The following EYA2 variants were observed in gnomAD, a reference collection of about 807,000 sequenced individuals.
The protein encoded by EYA2 is protein phosphatase EYA2.
Under a neutral mutation model 69.2 loss-of-function variants are expected in EYA2, and 31 were observed. The observed-to-expected ratio is 0.45, with a 90% CI of 0.34 to 0.60. EYA2 has a LOEUF of 0.60. Among genes scored for constraint, EYA2 ranks in the 20% least tolerant of loss-of-function variants. The pLI, the probability that EYA2 is intolerant of heterozygous loss-of-function variation, is 0.02. For missense variants in EYA2, 622 were observed against 701.2 expected (o/e 0.89, Z 1.28); for synonymous variants, 257 against 279.4 (o/e 0.92, Z 0.80).
At chr20:47,090,750 C>T (rs367627142) in intron 8 of EYA2, among the ~76,000 whole-genome samples, 108 of 152,264 alleles carry the variant, frequency 7.1e-4, no homozygotes, top group African/African-American at 2.4e-3. Context: ...TCTTGTGTTG[C>T]ACATTAGATC....
chr20:46,905,136 A>G (rs1685813134), intron 1 of EYA2, among the ~76,000 whole-genome samples: 1 of 152,216 alleles, frequency 6.6e-6, no homozygotes, highest in Non-Finnish European at 1.5e-5. Flanking sequence ...AGACATAAAA[A>G]TGGCTCACAG....
chr20:47,115,167 C>T (rs922039993), intron 9 of EYA2, among the ~76,000 whole-genome samples: 4 of 152,166 alleles, frequency 2.6e-5, no homozygotes, highest in Non-Finnish European at 4.4e-5. Flanking sequence ...CCCAACTGCC[C>T]ACCACCTTAC....
intron 10 of EYA2, among the ~76,000 whole-genome samples, chr20:47,154,282 C>T (rs1202910904): frequency 1.3e-5 from 2 of 151,990 alleles, no homozygotes; most frequent in Admixed American, 1.3e-4. Context: ...GACACCAATC[C>T]CATTGGGTTA....
intron 1 of EYA2, among the ~76,000 whole-genome samples, chr20:46,919,531 C>G (rs1234297821): frequency 6.6e-6 from 1 of 152,246 alleles, no homozygotes; most frequent in East Asian, 1.9e-4. Flanking sequence ...TCTGCAGCTT[C>G]CTCATTTCTC....
At chr20:46,917,699 A>T (rs1984976021) in intron 1 of EYA2, among the ~76,000 whole-genome samples, 1 of 152,212 alleles carries the variant, frequency 6.6e-6, no homozygotes, top group African/African-American at 2.4e-5. Context: ...ATAGGCCACT[A>T]AGTGTGCAAT....
chr20:47,074,363 C>T, intron 7 of EYA2, 28 bp downstream of exon 7: 4 of 1,609,754 alleles, frequency 2.5e-6, no homozygotes, highest in Non-Finnish European at 3.4e-6. Context: ...TGGGGCCATT[C>T]ATGGCTGTGG....
At chr20:47,077,846 A>G (rs917319691) in intron 7 of EYA2, among the ~76,000 whole-genome samples, 5 of 152,212 alleles carry the variant, frequency 3.3e-5, no homozygotes, top group African/African-American at 1.2e-4. Context: ...ATCTTGAATT[A>G]TCTTTAGCCA....
Position 47,180,921 on chromosome 20 carries a change from A to G in EYA2, c.1420A>G (p.Ser474Gly), listed in dbSNP as rs1452566273. Reference protein sequence around the residue: ...GSVFPIENIYSATKTGKESCF... With the variant: ...GSVFPIENIYGATKTGKESCF... ...TGTGTTTCCTATTGAGAACATCTAC[A>G]GTGCAACCAAGACAGGTAGGGAGAA... is the stretch of plus-strand genomic sequence containing the variant. Residue 474 changes from serine to glycine, a missense_variant, in exon 14 of 16, where the codon AGT becomes GGT. Transcript: ENST00000327619. 6.2e-7 allele frequency: 1 copy of G among 1,614,150 alleles called. No individual in the cohort carries two copies. The highest frequency in any genetic ancestry group is 8.5e-7 in the Non-Finnish European group (1 of 1,180,004).
chr20:46,993,685 A>G (rs897094951), intron 2 of EYA2, among the ~76,000 whole-genome samples: 1 of 152,370 alleles, frequency 6.6e-6, no homozygotes, highest in South Asian at 2.1e-4. Flanking sequence ...CAATGACGAT[A>G]AAGAAGCAAA....
At chr20:46,908,965 G>A in intron 1 of EYA2, among the ~76,000 whole-genome samples, 2 of 132,512 alleles carry the variant, frequency 1.5e-5, no homozygotes, top group Non-Finnish European at 3.1e-5. Context: ...CCAGGAAAAA[G>A]TAGGACTTGA....
At chr20:47,177,623 G>A (rs572300070) in intron 12 of EYA2, among the ~76,000 whole-genome samples, 6 of 152,360 alleles carry the variant, frequency 3.9e-5, no homozygotes, top group African/African-American at 1.4e-4. Context: ...ACGTGGTCCA[G>A]GACAGGATGA....
At chr20:47,147,582 A>G (rs2033728554) in intron 10 of EYA2, among the ~76,000 whole-genome samples, 1 of 152,192 alleles carries the variant, frequency 6.6e-6, no homozygotes, top group Non-Finnish European at 1.5e-5. Context: ...GGCTTTGGGT[A>G]ACAGCCAAGG....
At chr20:46,942,036 C>T (rs1270849638) in intron 1 of EYA2, among the ~76,000 whole-genome samples, 3 of 152,138 alleles carry the variant, frequency 2.0e-5, no homozygotes, top group African/African-American at 7.2e-5. Context: ...AGGTCACACA[C>T]GTGAGCCCCT....
intron 10 of EYA2, among the ~76,000 whole-genome samples, chr20:47,143,530 C>T (rs1382742234): frequency 6.6e-6 from 1 of 152,110 alleles, no homozygotes; most frequent in Non-Finnish European, 1.5e-5. Context: ...TAATAATTAG[C>T]AGTGGCCCAG....
intron 9 of EYA2, among the ~76,000 whole-genome samples, chr20:47,133,359 T>TG (rs1408817500): frequency 6.6e-6 from 1 of 152,220 alleles, no homozygotes; most frequent in African/African-American, 2.4e-5. Context: ...TAGCCAGGGA[T>TG]GGGTTATGAG....
At chr20:46,984,591 TAGC>T (rs1981063226) in intron 1 of EYA2, among the ~76,000 whole-genome samples, 1 of 152,168 alleles carries the variant, frequency 6.6e-6, no homozygotes, top group African/African-American at 2.4e-5. Context: ...TGCCAAGTGT[TAGC>T]AGGAAATTGT....
chr20:47,088,915 G>A (rs1488221619), intron 7 of EYA2, among the ~76,000 whole-genome samples: 2 of 152,166 alleles, frequency 1.3e-5, no homozygotes, highest in African/African-American at 2.4e-5. Flanking sequence ...TCCCTCCCGG[G>A]CTTGGTGTAT....
chr20:47,019,432 C>T (rs189171814), intron 5 of EYA2, among the ~76,000 whole-genome samples: 5 of 152,202 alleles, frequency 3.3e-5, no homozygotes, highest in Admixed American at 1.3e-4. Flanking sequence ...CAAACACAAA[C>T]ACACAGAACG....
intron 9 of EYA2, among the ~76,000 whole-genome samples, chr20:47,124,885 A>G (rs2146565361): frequency 6.6e-6 from 1 of 151,918 alleles, no homozygotes; most frequent in Non-Finnish European, 1.5e-5. Flanking sequence ...TAAAAAAAAA[A>G]AAATTCTAAG....
Sources: allele counts gnomAD v4.1 joint callset (sites outside exome capture counted in the v4.1 genomes callset), GRCh38; gene constraint gnomAD v4.1.1; transcripts MANE v1.5; gene names NCBI Gene and HGNC (gene_info 2026-07-23, HGNC 2026-07-21).